The following PALLD variants were observed in gnomAD, a reference collection of about 807,000 sequenced individuals.
The protein encoded by PALLD is palladin.
In PALLD, 61 loss-of-function variants were observed where a neutral mutation model predicts 123.5. The observed-to-expected ratio is 0.49, with a 90% CI of 0.40 to 0.61. The LOEUF is 0.61. Ranked by LOEUF, PALLD falls within the 20% of genes least tolerant of loss-of-function variation. PALLD has a pLI of 0.00. For synonymous variants in PALLD, 465 were observed against 496.4 expected (o/e 0.94, Z 0.84); for missense variants, 1,273 against 1,377.0 (o/e 0.92, Z 1.20).
chr4:168,717,117 A>T (rs1464597802), intron 10 of PALLD, among the ~76,000 whole-genome samples: 2 of 151,962 alleles, frequency 1.3e-5, no homozygotes, highest in Admixed American at 6.6e-5. Flanking sequence ...GTTTTTTTTA[A>T]TTGCTCCCTG....
intron 2 of PALLD, among the ~76,000 whole-genome samples, chr4:168,566,219 G>C (rs868612524): frequency 6.6e-6 from 1 of 152,018 alleles, no homozygotes; most frequent in Admixed American, 6.6e-5. Flanking sequence ...TCTAGATTTA[G>C]ACCTTGTTTT....
intron 10 of PALLD, among the ~76,000 whole-genome samples, chr4:168,803,554 C>T (rs955527593): frequency 1.3e-5 from 2 of 151,924 alleles, no homozygotes; most frequent in Non-Finnish European, 2.9e-5. Context: ...GGCTTTATGG[C>T]GCACGCCTGC....
At chr4:168,904,994 G>T (rs1757332593) in intron 15 of PALLD, among the ~76,000 whole-genome samples, 1 of 151,882 alleles carries the variant, frequency 6.6e-6, no homozygotes, top group Admixed American at 6.6e-5. Context: ...AGGTGTGGTG[G>T]TAGGCACCTG....
At chr4:168,502,339 T>C (rs1056427164) in intron 1 of PALLD, among the ~76,000 whole-genome samples, 2 of 152,214 alleles carry the variant, frequency 1.3e-5, no homozygotes, top group Non-Finnish European at 2.9e-5. Context: ...AATTTTTTCA[T>C]GAGAAACTTT....
chr4:168,685,611 C>A, intron 6 of PALLD, 52 bp downstream of exon 6: 1 of 1,174,730 alleles, frequency 8.5e-7, no homozygotes, highest in Non-Finnish European at 1.3e-6. Flanking sequence ...CCTTAAATTT[C>A]ATTTACATGT....
chr4:168,645,101 A>C (rs75340798), intron 2 of PALLD, among the ~76,000 whole-genome samples: 1 of 151,444 alleles, frequency 6.6e-6, no homozygotes, highest in Non-Finnish European at 1.5e-5. Context: ...CAGTCTCAAA[A>C]AAAAAAAAAA....
intron 10 of PALLD, among the ~76,000 whole-genome samples, chr4:168,763,851 C>A (rs1426320433): frequency 6.6e-6 from 1 of 152,174 alleles, no homozygotes; most frequent in Non-Finnish European, 1.5e-5. Context: ...TCCCACAGAC[C>A]TTTGCCTGTT....
At chr4:168,501,232 G>A (rs950212027) in intron 1 of PALLD, among the ~76,000 whole-genome samples, 25 of 152,112 alleles carry the variant, frequency 1.6e-4, no homozygotes, top group African/African-American at 6.0e-4. Context: ...GGCAATGAAA[G>A]GAGACCCTAT....
At chr4:168,672,720 A>G (rs940977284) in intron 3 of PALLD, among the ~76,000 whole-genome samples, 1 of 152,244 alleles carries the variant, frequency 6.6e-6, no homozygotes, top group South Asian at 2.1e-4. Flanking sequence ...GGCCTCCCAA[A>G]GTGCTGGGAT....
At position 168,568,814 on chromosome 4, in the gene PALLD, G is replaced by A. The variant is rs566673092; in HGVS notation, c.908+56402G>A. On this transcript the variant is annotated intron_variant, in intron 2 of 21. Coordinates refer to ENST00000505667, the MANE Select transcript of PALLD (RefSeq NM_001166108.2). The stretch of plus-strand genomic sequence containing the variant: ...TATATAATATATGTATTCTACAAAT[G>A]TATTATATATCTATAAAATAGTACC... Among the ~76,000 whole-genome samples, 4 of 150,668 alleles carry A rather than the reference G, an allele frequency of 2.7e-5. No homozygotes were observed. In the East Asian group the frequency reaches 5.8e-4, roughly 22 times the overall value.
At chr4:168,499,121 A>T (rs907544615) in intron 1 of PALLD, among the ~76,000 whole-genome samples, 6 of 150,088 alleles carry the variant, frequency 4.0e-5, no homozygotes, top group Middle Eastern at 3.4e-3. Flanking sequence ...TTTCTGCATC[A>T]AACATAAAAT....
intron 2 of PALLD, among the ~76,000 whole-genome samples, chr4:168,573,695 T>C (rs992185056): frequency 2.0e-5 from 3 of 152,070 alleles, no homozygotes; most frequent in African/African-American, 4.8e-5. Context: ...AAAGGATCCC[T>C]GGAGAAAATC....
intron 10 of PALLD, among the ~76,000 whole-genome samples, chr4:168,714,399 T>C (rs76566738): frequency 0.013 from 1,975 of 152,312 alleles, 41 homozygotes; most frequent in African/African-American, 0.045. Context: ...CAACCTTTTC[T>C]AAAAAATGGT....
intron 2 of PALLD, among the ~76,000 whole-genome samples, chr4:168,621,077 T>C (rs950460883): frequency 1.3e-5 from 2 of 152,210 alleles, no homozygotes; most frequent in Admixed American, 6.5e-5. Context: ...AAAACTGCAA[T>C]TCCAGACTAG....
chr4:168,719,774 C>G (rs1581139702), intron 10 of PALLD, among the ~76,000 whole-genome samples: 1 of 152,108 alleles, frequency 6.6e-6, no homozygotes, highest in Non-Finnish European at 1.5e-5. Context: ...TGTTCCCCTC[C>G]TAGTTTCCAT....
rs573386467 is a variant in PALLD at position 168,617,912 on chromosome 4, T to C, written c.909-50278T>C. Among the ~76,000 whole-genome samples the C allele has an allele frequency of 1.1e-3, 168 of 152,328 alleles. 1 individual carries two copies. The highest frequency in any genetic ancestry group is 3.9e-3 in the African/African-American group (163 of 41,568). On this transcript the variant is annotated intron_variant, in intron 2 of 21. Transcript: ENST00000505667. ...CCAGCTACCCCAGAACCTGATTTTCTTCCACCTTGAGAAATAAATACTGTA... is the reference window on the plus strand; with the variant it reads ...CCAGCTACCCCAGAACCTGATTTTCCTCCACCTTGAGAAATAAATACTGTA...
At chr4:168,820,775 G>T (rs1742601909) in intron 10 of PALLD, among the ~76,000 whole-genome samples, 1 of 152,104 alleles carries the variant, frequency 6.6e-6, no homozygotes. Flanking sequence ...GCTTCCAGAA[G>T]CCAGGTATCC....
At chr4:168,728,608 T>A (rs1334610832) in intron 10 of PALLD, among the ~76,000 whole-genome samples, 1 of 152,152 alleles carries the variant, frequency 6.6e-6, no homozygotes, top group Non-Finnish European at 1.5e-5. Context: ...TTTGGTGGAG[T>A]CTTTAGGAAT....
chr4:168,862,765 C>G (rs1190192388), intron 10 of PALLD, among the ~76,000 whole-genome samples: 4 of 152,138 alleles, frequency 2.6e-5, no homozygotes, highest in African/African-American at 9.7e-5. Context: ...ACTAAAACTT[C>G]AATGGAAATG....
Sources: allele counts gnomAD v4.1 joint callset (sites outside exome capture counted in the v4.1 genomes callset), GRCh38; gene constraint gnomAD v4.1.1; transcripts MANE v1.5; gene names NCBI Gene and HGNC (gene_info 2026-07-23, HGNC 2026-07-21).